Variants in DRC10 observed in about 807,000 individuals in gnomAD.
The protein encoded by DRC10 is IQ domain-containing protein D.
At chr12:113,207,385 CA>C in the DRC10 span, 1 of 1,464,662 alleles carries the variant, frequency 6.8e-7, no homozygotes, top group Non-Finnish European at 9.6e-7. Context: ...ACCCAACCAA[CA>C]AAAGATTTGT....
the DRC10 span, among the ~76,000 whole-genome samples, chr12:113,215,316 C>T: frequency 6.6e-6 from 1 of 152,190 alleles, no homozygotes; most frequent in Non-Finnish European, 1.5e-5. Flanking sequence ...TGAAATGGGA[C>T]ACAGCACTGT....
the DRC10 span, chr12:113,208,222 A>G: frequency 6.5e-7 from 1 of 1,539,036 alleles, no homozygotes; most frequent in South Asian, 1.3e-5. Flanking sequence ...ACTTCGGTAG[A>G]CTACTTGGGT....
chr12:113,196,893 G>A, the DRC10 span, among the ~76,000 whole-genome samples: 6 of 152,224 alleles, frequency 3.9e-5, no homozygotes, highest in South Asian at 2.1e-4. Flanking sequence ...CCGAATCCCC[G>A]CCATGGTCCC....
chr12:113,208,815 C>T, the DRC10 span, among the ~76,000 whole-genome samples: 165 of 152,216 alleles, frequency 1.1e-3, no homozygotes, highest in African/African-American at 3.7e-3. Flanking sequence ...GCAGCCTGGG[C>T]GACGGAACCA....
chr12:113,206,919 G>C, the DRC10 span, among the ~76,000 whole-genome samples: 1 of 152,126 alleles, frequency 6.6e-6, no homozygotes, highest in Non-Finnish European at 1.5e-5. Flanking sequence ...AATTAGCCAG[G>C]CATGGTGACA....
chr12:113,213,620 G>A, the DRC10 span, among the ~76,000 whole-genome samples: 1 of 152,128 alleles, frequency 6.6e-6, no homozygotes, highest in Non-Finnish European at 1.5e-5. Flanking sequence ...GAAGTGACAG[G>A]GCCTGCACCC....
chr12:113,197,016 C>A, the DRC10 span, among the ~76,000 whole-genome samples: 2 of 152,156 alleles, frequency 1.3e-5, no homozygotes, highest in Admixed American at 1.3e-4. Context: ...TAAAAACTGG[C>A]TGAGTGACTG....
At chr12:113,214,507 C>CAAAAAAAAAAAAAAAAAAAAAAA in the DRC10 span, among the ~76,000 whole-genome samples, 1 of 50,318 alleles carries the variant, frequency 2.0e-5, no homozygotes, top group Non-Finnish European at 4.2e-5. Context: ...GACTCCGTCT[C>CAAAAAAAAAAAAAAAAAAAAAAA]AAAAAAAAAA....
At chr12:113,207,354 A>C in the DRC10 span, 6 of 1,174,570 alleles carry the variant, frequency 5.1e-6, no homozygotes, top group Non-Finnish European at 7.6e-6. Flanking sequence ...TCTTAAAAAA[A>C]AAATCAATCA....
chr12:113,196,072 C>T, the DRC10 span, among the ~76,000 whole-genome samples: 1 of 152,146 alleles, frequency 6.6e-6, no homozygotes, highest in African/African-American at 2.4e-5. Flanking sequence ...CATCCTAGCT[C>T]TAGGAAGGAC....
chr12:113,195,735 A>G, the DRC10 span: 2 of 1,613,304 alleles, frequency 1.2e-6, no homozygotes, highest in African/African-American at 1.3e-5. Context: ...CATGCGCACC[A>G]TCTCCTGCTC....
the DRC10 span, among the ~76,000 whole-genome samples, chr12:113,218,084 A>G: frequency 6.6e-6 from 1 of 152,234 alleles, no homozygotes; most frequent in African/African-American, 2.4e-5. Flanking sequence ...TCCCCACAAC[A>G]AAGAATTTTC....
At chr12:113,209,699 G>GACAA in the DRC10 span, among the ~76,000 whole-genome samples, 6 of 152,308 alleles carry the variant, frequency 3.9e-5, no homozygotes, top group South Asian at 1.2e-3. Context: ...TTGTGGTTTT[G>GACAA]ACAAACACAT....
chr12:113,211,598 C>T, the DRC10 span, among the ~76,000 whole-genome samples: 1 of 151,624 alleles, frequency 6.6e-6, no homozygotes, highest in South Asian at 2.1e-4. Flanking sequence ...CACTGCATTC[C>T]AGCCTGAGCA....
chr12:113,207,667 C>T, the DRC10 span: 25 of 1,613,942 alleles, frequency 1.5e-5, no homozygotes, highest in Admixed American at 4.2e-4. Context: ...CTGCAGGAGC[C>T]TAGCAGCCTG....
chr12:113,195,992 G>A, the DRC10 span: 28 of 1,456,586 alleles, frequency 1.9e-5, no homozygotes, highest in Non-Finnish European at 2.4e-5. Context: ...CTGCCCCAGC[G>A]ATGCCCCTAA....
chr12:113,216,452 A>G, the DRC10 span, among the ~76,000 whole-genome samples: 4 of 152,190 alleles, frequency 2.6e-5, no homozygotes, highest in African/African-American at 9.7e-5. Flanking sequence ...AATGATGGAT[A>G]CCATCATTAT....
chr12:113,199,628 T>C, the DRC10 span, among the ~76,000 whole-genome samples: 3 of 151,966 alleles, frequency 2.0e-5, no homozygotes, highest in East Asian at 3.9e-4. Context: ...TTAAAAAGGG[T>C]GCCTTTTACA....
chr12:113,206,329 G>T, the DRC10 span, among the ~76,000 whole-genome samples: 1 of 152,100 alleles, frequency 6.6e-6, no homozygotes. Context: ...TTAGGTCATA[G>T]CCTATTCCTC....
Sources: allele counts gnomAD v4.1 joint callset (sites outside exome capture counted in the v4.1 genomes callset), GRCh38; gene constraint gnomAD v4.1.1; transcripts MANE v1.5; gene names NCBI Gene and HGNC (gene_info 2026-07-23, HGNC 2026-07-21).